Variants in CACNB4 observed in about 807,000 individuals in gnomAD.
CACNB4 encodes voltage-dependent L-type calcium channel subunit beta-4.
Under a neutral mutation model 71.2 loss-of-function variants are expected in CACNB4, and 32 were observed. That is an observed-to-expected ratio of 0.45 (90% CI 0.34 to 0.60). The LOEUF (loss-of-function observed/expected upper bound fraction) is 0.60, where lower values mean the gene tolerates loss of function less well. CACNB4 is among the 20% of genes least tolerant of loss of function. The probability of loss-of-function intolerance (pLI) is 0.01; values close to 1 mark genes in which losing one functional copy is unlikely to be tolerated. For missense variants in CACNB4, 464 were observed against 647.9 expected (o/e 0.72, Z 3.08); for synonymous variants, 231 against 236.9 (o/e 0.97, Z 0.23).
At chr2:152,099,099 G>A, upstream of CACNB4, 6 of 811,586 alleles carry the variant, frequency 7.4e-6, no homozygotes, top group Admixed American at 3.7e-5. Flanking sequence ...GGGGGAGGGC[G>A]CAGGACTTCC....
In CACNB4 at chr2:151,841,628, G is replaced by A. The variant is rs115716599; in HGVS notation, c.1302+275C>T. The A allele has an allele frequency of 4.8e-3, 1,725 of 359,054 alleles. 8 individuals are homozygous for A. Among genetic ancestry groups the A allele is most frequent in the Non-Finnish European group, 6.2e-3 (1,215 of 197,504 alleles). The allele number at this position is 359,054 out of a possible 1,614,324, so 22.2% of individuals were successfully genotyped here. ...GGCAGGTGCATTGAGTAGGCATTAC[G>A]TTTGCCAGCAGAGTTTAGACATAGG... On this transcript the variant is annotated intron_variant, in intron 13 of 13. Coordinates refer to ENST00000539935, the MANE Select transcript of CACNB4 (RefSeq NM_000726.5).
chr2:151,954,821 C>A (rs2099867774), intron 2 of CACNB4, among the ~76,000 whole-genome samples: 1 of 146,378 alleles, frequency 6.8e-6, no homozygotes, highest in Non-Finnish European at 1.5e-5. Flanking sequence ...AATAGAATGC[C>A]TTTCAGCATT....
chr2:151,937,454 G>C (rs997570460), intron 2 of CACNB4, among the ~76,000 whole-genome samples: 2 of 152,198 alleles, frequency 1.3e-5, no homozygotes, highest in African/African-American at 4.8e-5. Flanking sequence ...GGAGGGATCT[G>C]AGATGCCAAG....
chr2:151,876,415 T>C lies in CACNB4; in HGVS notation c.521+11A>G, dbSNP rs1458972292. 3.8e-6 allele frequency: 6 copies of C among 1,593,282 alleles called. No homozygotes were observed. The South Asian group carries it at 4.6e-5, about 12-fold the overall frequency. The stretch of plus-strand genomic sequence containing the variant: ...ACCAAAAAAAAGTGCATAGAAAAGA[T>C]GGGAACGTACCCTCCGTGAAAACGT... On this transcript the variant is annotated intron_variant, in intron 5 of 13. Coordinates refer to ENST00000539935, the MANE Select transcript of CACNB4 (RefSeq NM_000726.5).
At chr2:151,876,341 T>C (rs1251064188) in intron 5 of CACNB4, 85 bp downstream of exon 5, 2 of 1,152,628 alleles carry the variant, frequency 1.7e-6, no homozygotes, top group East Asian at 5.2e-5. Context: ...CAGAAAAGTA[T>C]CTTCTACTTT....
intron 12 of CACNB4, among the ~76,000 whole-genome samples, chr2:151,842,883 C>T (rs1042373518): frequency 6.6e-6 from 1 of 152,136 alleles, no homozygotes; most frequent in African/African-American, 2.4e-5. Context: ...AAGGGAATAA[C>T]ATTTACTTAG....
At chr2:151,930,781 T>A (rs2099861458) in intron 2 of CACNB4, among the ~76,000 whole-genome samples, 1 of 152,200 alleles carries the variant, frequency 6.6e-6, no homozygotes. Flanking sequence ...CATATGTATG[T>A]ATATGTACAT....
At chr2:152,012,658 T>C (rs1396061457) in intron 2 of CACNB4, among the ~76,000 whole-genome samples, 1 of 149,182 alleles carries the variant, frequency 6.7e-6, no homozygotes, top group Admixed American at 6.7e-5. Flanking sequence ...TAAGGATAAA[T>C]AGAAAATATA....
At chr2:151,930,670 A>C (rs1345500009) in intron 2 of CACNB4, among the ~76,000 whole-genome samples, 1 of 152,002 alleles carries the variant, frequency 6.6e-6, no homozygotes, top group Non-Finnish European at 1.5e-5. Flanking sequence ...TAGATCTAGA[A>C]GTACTGATAT....
intron 2 of CACNB4, among the ~76,000 whole-genome samples, chr2:151,964,345 T>C (rs1312727233): frequency 6.6e-6 from 1 of 152,206 alleles, no homozygotes; most frequent in Non-Finnish European, 1.5e-5. Flanking sequence ...TGCTTGTAAG[T>C]ACATTTTTCT....
chr2:152,024,311 A>G (rs1683846250), intron 2 of CACNB4, among the ~76,000 whole-genome samples: 1 of 152,230 alleles, frequency 6.6e-6, no homozygotes, highest in African/African-American at 2.4e-5. Context: ...TGGGCAACAG[A>G]GCTGTCTCAA....
At position 151,897,249 on chromosome 2, in the gene CACNB4, T is replaced by C. The variant is rs138532462; in HGVS notation, c.148-13879A>G. 4.3e-3 allele frequency among the ~76,000 whole-genome samples: 653 copies of C among 152,292 alleles called. 7 individuals are homozygous for C. The highest frequency in any genetic ancestry group is 0.015 in the African/African-American group (631 of 41,542). Reference sequence around the variant, plus strand: ...GACTTGCATTTCAAGCAAGAACATCTCTTGGATGATCTCTAAGATTCCTCT... The same window carrying C: ...GACTTGCATTTCAAGCAAGAACATCCCTTGGATGATCTCTAAGATTCCTCT... On this transcript the variant is annotated intron_variant, in intron 2 of 13. Transcript: ENST00000539935.
intron 2 of CACNB4, chr2:151,970,588 A>G (rs371826090): frequency 6.6e-6 from 1 of 152,242 alleles, no homozygotes; most frequent in Non-Finnish European, 1.5e-5. Context: ...TGGGGGGCTC[A>G]GTCCATGAAA....
chr2:151,998,161 A>G (rs1682174005), intron 2 of CACNB4, among the ~76,000 whole-genome samples: 1 of 152,012 alleles, frequency 6.6e-6, no homozygotes, highest in Admixed American at 6.5e-5. Context: ...TGTCTCTACT[A>G]AAAATACAAA....
intron 2 of CACNB4, among the ~76,000 whole-genome samples, chr2:151,957,754 G>A (rs1291441172): frequency 6.6e-6 from 1 of 152,170 alleles, no homozygotes; most frequent in East Asian, 1.9e-4. Flanking sequence ...TATATATACT[G>A]TATCTATTTA....
At chr2:151,985,804 G>A (rs767692542) in intron 2 of CACNB4, among the ~76,000 whole-genome samples, 1 of 151,930 alleles carries the variant, frequency 6.6e-6, no homozygotes. Flanking sequence ...AGACTGTGGT[G>A]TTCATGTCTC....
At chr2:151,980,347 C>A (rs890895406) in intron 2 of CACNB4, among the ~76,000 whole-genome samples, 1 of 152,188 alleles carries the variant, frequency 6.6e-6, no homozygotes, top group African/African-American at 2.4e-5. Flanking sequence ...TTCCCCTTCA[C>A]TCTCTCCAAG....
chr2:152,030,917 T>C (rs1684250618), intron 2 of CACNB4, among the ~76,000 whole-genome samples: 1 of 152,186 alleles, frequency 6.6e-6, no homozygotes, highest in African/African-American at 2.4e-5. Flanking sequence ...AAATTGATAC[T>C]GATGTCAAGC....
chr2:152,094,580 G>T (rs1377318256), intron 2 of CACNB4, among the ~76,000 whole-genome samples: 5 of 152,138 alleles, frequency 3.3e-5, no homozygotes, highest in Non-Finnish European at 5.9e-5. Flanking sequence ...TATACTTATG[G>T]ATATATAATA....
Sources: gnomAD v4.1 joint callset for allele counts (sites outside exome capture counted in the v4.1 genomes callset) on GRCh38, gnomAD v4.1.1 for gene constraint, MANE v1.5 for transcripts, NCBI Gene and HGNC (gene_info 2026-07-23, HGNC 2026-07-21) for gene names.